ZNF444: variants seen among roughly 807,000 people sequenced by gnomAD.
ZNF444 encodes zinc finger protein 444.
ZNF444 carries 8 observed loss-of-function variants against 14.4 expected under a neutral mutation model. The ratio of observed to expected loss-of-function variants is 0.56; its 90% CI spans 0.33 to 1.00. The LOEUF (loss-of-function observed/expected upper bound fraction) is 1.00. Ranked by LOEUF, ZNF444 falls within the 50% of genes least tolerant of loss-of-function variation. The probability of loss-of-function intolerance (pLI) is 0.03; values close to 1 mark genes in which losing one functional copy is unlikely to be tolerated. For missense variants in ZNF444, 510 were observed against 504.8 expected, an observed-to-expected ratio of 1.01 and a Z score of -0.10; for synonymous variants, 258 against 235.9, an observed-to-expected ratio of 1.09 and a Z score of -0.86.
Position 56,147,216 on chromosome 19 carries a change from T to C in ZNF444, c.297+8T>C. On this transcript the variant is annotated splice_region_variant and intron_variant, in intron 3 of 4. Coordinates refer to ENST00000337080, the MANE Select transcript of ZNF444 (RefSeq NM_018337.4). This position sits in a 1 kb window ranked among gnomAD's most constrained non-coding sequence, Gnocchi z 5.9. ...CTGCTGGAGGAGCTCTGGGTGAGCCTGGCGGGACTGCAAGCGGGGAAGGGA... is the reference window on the plus strand; with the variant it reads ...CTGCTGGAGGAGCTCTGGGTGAGCCCGGCGGGACTGCAAGCGGGGAAGGGA... The C allele has an allele frequency of 7.1e-7, 1 of 1,417,150 alleles. No individual in the cohort carries two copies. The highest frequency in any genetic ancestry group is 2.9e-5 in the East Asian group (1 of 34,518). 87.8% of individuals were successfully genotyped at this position (1,417,150 alleles called of 1,614,324 possible). A position where few individuals can be genotyped will look rare whatever the true frequency, so the allele number is the denominator to read the frequency against.
rs780382826 is a variant in ZNF444, at chr19:56,132,935, C to CTTTCTT, written c.-197+160_-197+161insCTTTTT. Among the ~76,000 whole-genome samples, 47 of 94,292 alleles carry CTTTCTT rather than the reference C, an allele frequency of 5.0e-4. 1 individual carries two copies. Among genetic ancestry groups the CTTTCTT allele is most frequent in the Non-Finnish European group, 6.8e-4 (36 of 52,596 alleles). The allele number at this position is 94,292 out of a possible 152,430, so 61.9% of individuals were successfully genotyped here. ...TTTCTTTTTCTTTCTTTCTTTCTTT[C>CTTTCTT]TTTTTTTTTTTTTTTTTTTTGAGAC... On this transcript the variant is annotated intron_variant, in intron 1 of 2. Transcript: ENST00000587467.
intron 3 of ZNF444, among the ~76,000 whole-genome samples, chr19:56,152,483 GT>G (rs113205489): frequency 0.13 from 15,707 of 122,400 alleles, 1,638 homozygotes; most frequent in African/African-American, 0.31. Flanking sequence ...CCAGGGTTTT[GT>G]TTTTTTTTTT....
chr19:56,140,068 G>C (rs1410796600), upstream of ZNF444, among the ~76,000 whole-genome samples: 1 of 152,222 alleles, frequency 6.6e-6, no homozygotes, highest in African/African-American at 2.4e-5. Flanking sequence ...TGGTCACAAA[G>C]TTCTGAGTCA....
chr19:56,153,090 G>A (rs1262973923), intron 3 of ZNF444, among the ~76,000 whole-genome samples: 2 of 152,084 alleles, frequency 1.3e-5, no homozygotes, highest in African/African-American at 2.4e-5. Flanking sequence ...AGCCACTGGA[G>A]TTGGGGACCA....
At chr19:56,149,857 G>T in intron 3 of ZNF444, 1 of 153,154 alleles carries the variant, frequency 6.5e-6, no homozygotes, top group Non-Finnish European at 1.5e-5. Context: ...GTGTACTGTG[G>T]TCACGTCTTA....
upstream of ZNF444, among the ~76,000 whole-genome samples, chr19:56,136,833 G>A (rs2030622725): frequency 1.3e-5 from 2 of 151,988 alleles, no homozygotes; most frequent in Admixed American, 6.6e-5. Context: ...CCAGGCTGGA[G>A]TGCAATGGCA....
At position 56,147,975 on chromosome 19, in the gene ZNF444, G is replaced by T. The variant is rs542710111; in HGVS notation, c.297+767G>T. Among the ~76,000 whole-genome samples, 1 of 152,340 alleles carries T rather than the reference G, an allele frequency of 6.6e-6. No homozygotes were observed. Among genetic ancestry groups the T allele is most frequent in the East Asian group, 1.9e-4 (1 of 5,188 alleles). On this transcript the variant is annotated intron_variant, in intron 3 of 4. Transcript: ENST00000337080. This position sits in a 1 kb window ranked among gnomAD's most constrained non-coding sequence, Gnocchi z 5.9. ...CTTGCCACCGTGATGACCACAGAGG[G>T]CCCGAGGAGCTGGAAGTGTTGACTG... is the stretch of plus-strand genomic sequence containing the variant.
chr19:56,138,109 A>G (rs1891913435), upstream of ZNF444, among the ~76,000 whole-genome samples: 1 of 151,988 alleles, frequency 6.6e-6, no homozygotes, highest in South Asian at 2.1e-4. Flanking sequence ...GGGTGACGAG[A>G]AGGAAAACTC....
chr19:56,139,484 C>T (rs541804735), upstream of ZNF444, among the ~76,000 whole-genome samples: 11 of 152,078 alleles, frequency 7.2e-5, no homozygotes, highest in South Asian at 2.1e-4. Flanking sequence ...GCCAGGAGTT[C>T]GAGACCAGCC....
intron 3 of ZNF444, among the ~76,000 whole-genome samples, chr19:56,148,961 C>T (rs986657359): frequency 5.3e-5 from 8 of 152,180 alleles, no homozygotes; most frequent in East Asian, 1.9e-4. Context: ...AGAGGCTGCC[C>T]GCATTCCTCG....
Position 56,146,955 on chromosome 19 carries a change from C to A in ZNF444, c.44C>A (p.Ala15Glu). The stretch of plus-strand genomic sequence containing the variant: ...GTGAAGCAGGAGGCCGAGGGCCTGG[C>A]GCTGGACTCCCCGTGGCACCGCTTC... ...VPVKQEAEGLALDSPWHRFRR... is the reference protein window; with the variant it reads ...VPVKQEAEGLELDSPWHRFRR... Residue 15 changes from alanine (A) to glutamate (E), a missense_variant, in exon 3 of 5, where the codon GCG becomes GAG. By Grantham distance (107) the Ala-to-Glu change is moderately radical (BLOSUM62 -1). Coordinates refer to ENST00000337080, the MANE Select transcript of ZNF444 (RefSeq NM_018337.4). 6.9e-7 allele frequency: 1 copy of A among 1,446,658 alleles called. No homozygotes were observed. The highest frequency in any genetic ancestry group is 9.0e-7 in the Non-Finnish European group (1 of 1,109,812). 89.6% of individuals were successfully genotyped at this position (1,446,658 alleles called of 1,614,324 possible). A position where few individuals can be genotyped will look rare whatever the true frequency, so the allele number is the denominator to read the frequency against.
chr19:56,158,574 A>C lies in ZNF444; in HGVS notation c.378A>C (p.Gly126=), dbSNP rs138226612. ...CGCAGGGCCCTGGGGCCACAGGTGG[A>C]AAGGAGGACAGTGGGATGATTCCCT... is the stretch of plus-strand genomic sequence containing the variant. The part of the protein sequence containing the change: ...DVTQGPGATG[G]KEDSGMIPLA... The change falls in exon 4 of 5, where the codon GGA becomes GGC. Residue 126 remains glycine, a synonymous_variant. Coordinates refer to ENST00000337080, the MANE Select transcript of ZNF444 (RefSeq NM_018337.4). 6.1e-4 allele frequency: 989 copies of C among 1,611,512 alleles called. 2 individuals carry two copies. Among genetic ancestry groups the C allele is most frequent in the Non-Finnish European group, 7.7e-4 (903 of 1,178,776 alleles).
rs1300313505 is a variant in ZNF444, at chr19:56,146,241, C to T, written c.-196-6C>T. ...CTCTTTCTGTGTTTTCTGGTTGAAT[C>T]CTCAGGACAGGCTGCGGGAGGAGCT... On this transcript the variant is annotated splice_region_variant and splice_polypyrimidine_tract_variant and intron_variant, in intron 1 of 4. Coordinates refer to ENST00000337080, the MANE Select transcript of ZNF444 (RefSeq NM_018337.4). The T allele has an allele frequency of 1.3e-5, 2 of 152,818 alleles. No individual in the cohort carries two copies. Among genetic ancestry groups the T allele is most frequent in the African/African-American group, 4.8e-5 (2 of 41,454 alleles). The allele number at this position is 152,818 out of a possible 1,614,324, so 9.5% of individuals were successfully genotyped here. A position where few individuals can be genotyped will look rare whatever the true frequency, so the allele number is the denominator to read the frequency against.
intron 1 of ZNF444, chr19:56,141,893 TAC>T (rs925089977): frequency 5.9e-5 from 9 of 152,160 alleles, no homozygotes; most frequent in African/African-American, 1.9e-4. Context: ...GTGCAACTTT[TAC>T]AGAGTTGTGA....
chr19:56,135,738 T>C (rs1004046373), intron 1 of ZNF444, among the ~76,000 whole-genome samples: 1 of 151,354 alleles, frequency 6.6e-6, no homozygotes, highest in Non-Finnish European at 1.5e-5. Flanking sequence ...CGTCAACCAA[T>C]TGCTGGCAAG....
chr19:56,153,041 CTT>C (rs1450795602), intron 3 of ZNF444, among the ~76,000 whole-genome samples: 3 of 152,090 alleles, frequency 2.0e-5, no homozygotes, highest in African/African-American at 7.2e-5. Context: ...AGCTAGTAGA[CTT>C]TCACATTTTT....
At chr19:56,136,120 G>A (rs866865407) in intron 1 of ZNF444, among the ~76,000 whole-genome samples, 5 of 131,974 alleles carry the variant, frequency 3.8e-5, no homozygotes, top group East Asian at 4.5e-4. Flanking sequence ...AAAAGGACCC[G>A]CTCCTTATTG....
chr19:56,147,174 G>T lies in ZNF444; in HGVS notation c.263G>T (p.Gly88Val). The change falls in exon 3 of 5, where the codon GGG (glycine) becomes GTG (valine). Residue 88 changes from glycine (G) to valine (V), a missense_variant. Physicochemically the swap from Gly to Val is moderately radical, Grantham distance 109. Coordinates refer to ENST00000337080, the MANE Select transcript of ZNF444 (RefSeq NM_018337.4). This position sits in a 1 kb window ranked among gnomAD's most constrained non-coding sequence, Gnocchi z 5.9. Reference protein sequence around the residue: ...AWVCSRQPQSGEEAVALLEEL... With the variant: ...AWVCSRQPQSVEEAVALLEEL... The stretch of plus-strand genomic sequence containing the variant: ...GTGTGCAGCCGGCAGCCGCAGAGCG[G>T]GGAGGAGGCGGTGGCCCTGCTGGAG... The T allele has an allele frequency of 6.8e-7, 1 of 1,480,268 alleles. No homozygotes were observed. Among genetic ancestry groups the T allele is most frequent in the East Asian group, 2.7e-5 (1 of 37,374 alleles). The allele number at this position is 1,480,268 out of a possible 1,614,324, so 91.7% of individuals were successfully genotyped here.
chr19:56,152,298 C>T (rs1599889204), intron 3 of ZNF444, among the ~76,000 whole-genome samples: 1 of 150,494 alleles, frequency 6.6e-6, no homozygotes, highest in East Asian at 2.0e-4. Context: ...CACCACCGCA[C>T]TCCAGCCTGG....
Sources: allele counts gnomAD v4.1 joint callset (sites outside exome capture counted in the v4.1 genomes callset), GRCh38; gene constraint gnomAD v4.1.1; non-coding constraint Gnocchi (gnomAD v3.1); transcripts MANE v1.5; gene names NCBI Gene and HGNC (gene_info 2026-07-23, HGNC 2026-07-21).